Variants in NFIA observed in about 807,000 individuals in gnomAD.
NFIA encodes the protein nuclear factor I A.
A neutral mutation model predicts 62.8 loss-of-function variants in NFIA; 8 were observed. The ratio of observed to expected loss-of-function variants is 0.13; its 90% confidence interval spans 0.07 to 0.23. The LOEUF (loss-of-function observed/expected upper bound fraction) is 0.23, where lower values mean the gene tolerates loss of function less well. Ranked by LOEUF, NFIA falls within the 10% of genes least tolerant of loss-of-function variation. NFIA has a pLI of 1.00. For missense variants in NFIA, 410 were observed against 642.1 expected, an observed-to-expected ratio of 0.64 and a Z score of 3.91; for synonymous variants, 235 against 238.1, an observed-to-expected ratio of 0.99 and a Z score of 0.12.
chr1:61,118,211 G>GA (rs201622725), intron 2 of NFIA, among the ~76,000 whole-genome samples: 1 of 149,384 alleles, frequency 6.7e-6, no homozygotes, highest in African/African-American at 2.5e-5. Flanking sequence ...AAAAAGAAAA[G>GA]AAAAAAAAGA....
intron 2 of NFIA, among the ~76,000 whole-genome samples, chr1:61,108,091 C>T (rs1252427611): frequency 6.6e-6 from 1 of 151,630 alleles, no homozygotes; most frequent in African/African-American, 2.4e-5. Context: ...TTTCACACCT[C>T]TTTTTGAAAT....
intron 10 of NFIA, among the ~76,000 whole-genome samples, chr1:61,438,477 G>C (rs906829754): frequency 6.6e-6 from 1 of 152,138 alleles, no homozygotes; most frequent in Non-Finnish European, 1.5e-5. Flanking sequence ...ATCTGGTAAT[G>C]TTCTCCCTGA....
intron 2 of NFIA, among the ~76,000 whole-genome samples, chr1:61,146,222 G>A (rs1465297604): frequency 6.6e-6 from 1 of 152,068 alleles, no homozygotes; most frequent in East Asian, 1.9e-4. Flanking sequence ...GCATCATTGG[G>A]CCTGCCTGAA....
At chr1:61,266,948 G>A (rs1317175384) in intron 2 of NFIA, among the ~76,000 whole-genome samples, 1 of 152,186 alleles carries the variant, frequency 6.6e-6, no homozygotes, top group Non-Finnish European at 1.5e-5. Context: ...ACTCTCTAGA[G>A]TCAGGTATTT....
intron 2 of NFIA, 78 bp from the exon 3 acceptor site, chr1:61,277,442 T>G: frequency 7.3e-7 from 1 of 1,378,420 alleles, no homozygotes; most frequent in Middle Eastern, 1.8e-4. Flanking sequence ...GGTTGAACCT[T>G]TTGAGAAAGT....
At position 61,138,565 on chromosome 1, in the gene NFIA, GTTTATTTATTTATTTA is replaced by G. The variant is rs111808933; in HGVS notation, c.559+49900_559+49915del. On this transcript the variant is annotated intron_variant, in intron 2 of 10. Coordinates refer to ENST00000403491, the MANE Select transcript of NFIA (RefSeq NM_001134673.4). ...AATTAGTCATTTTATTTGTTTGTTT[GTTTATTTATTTATTTA>G]TTTATTTATTTATTATTGAGACAAG... is the stretch of plus-strand genomic sequence containing the variant. Among the ~76,000 whole-genome samples the G allele has an allele frequency of 1.6e-4, 23 of 142,480 alleles. 1 individual carries two copies. Among genetic ancestry groups the G allele is most frequent in the Admixed American group, 8.9e-4 (13 of 14,634 alleles). 93.5% of individuals were successfully genotyped at this position (142,480 alleles called of 152,430 possible).
chr1:61,403,392 G>A (rs931683003), intron 7 of NFIA, among the ~76,000 whole-genome samples: 13 of 152,246 alleles, frequency 8.5e-5, no homozygotes, highest in Admixed American at 4.6e-4. Context: ...CAAATGTAAG[G>A]GAGCAGTAGT....
chr1:61,099,295 A>G (rs1646469634), intron 2 of NFIA, among the ~76,000 whole-genome samples: 1 of 152,190 alleles, frequency 6.6e-6, no homozygotes, highest in Non-Finnish European at 1.5e-5. Flanking sequence ...GTGTTTTGAG[A>G]CATTAGAATT....
chr1:61,406,543 G>GGGGGGGCCCCC lies in NFIA; in HGVS notation c.1255-19_1255-18insGGGGGGCCCCC. The GGGGGGGCCCCC allele has an allele frequency of 1.1e-6, 1 of 876,652 alleles. No individual in the cohort carries two copies. The highest frequency in any genetic ancestry group is 1.5e-6 in the Non-Finnish European group (1 of 653,742). 54.3% of individuals were successfully genotyped at this position (876,652 alleles called of 1,614,324 possible). On this transcript the variant is annotated intron_variant, in intron 8 of 10. Coordinates refer to ENST00000403491, the MANE Select transcript of NFIA (RefSeq NM_001134673.4). ...TCTTTTTCTTGTACGTGTGTTTTCT[G>GGGGGGGCCCCC]CCCCCCCCCCCCCCACAGCCCAATG...
intron 2 of NFIA, among the ~76,000 whole-genome samples, chr1:61,218,251 A>C (rs1223735180): frequency 1.3e-5 from 2 of 152,206 alleles, no homozygotes; most frequent in African/African-American, 4.8e-5. Flanking sequence ...TACAATTGTA[A>C]GAGATGTTTG....
At chr1:61,136,193 T>C (rs1053639870) in intron 2 of NFIA, among the ~76,000 whole-genome samples, 1 of 152,240 alleles carries the variant, frequency 6.6e-6, no homozygotes, top group African/African-American at 2.4e-5. Flanking sequence ...TGTCACAGCC[T>C]GGCTTTCTTC....
At chr1:61,435,707 T>C (rs1300045940) in intron 10 of NFIA, among the ~76,000 whole-genome samples, 2 of 152,198 alleles carry the variant, frequency 1.3e-5, no homozygotes, top group East Asian at 3.8e-4. Flanking sequence ...CAGAAGATTA[T>C]CTTGATTGGC....
At chr1:61,145,320 C>T (rs1204142135) in intron 2 of NFIA, among the ~76,000 whole-genome samples, 1 of 152,154 alleles carries the variant, frequency 6.6e-6, no homozygotes, top group Non-Finnish European at 1.5e-5. Flanking sequence ...TATTGGACTT[C>T]ATGGCTAAAA....
At position 61,140,301 on chromosome 1, in the gene NFIA, C is replaced by T. The variant is rs1385853552; in HGVS notation, c.559+51621C>T. Among the ~76,000 whole-genome samples the T allele has an allele frequency of 2.3e-5, 3 of 133,210 alleles. No individual in the cohort carries two copies. In the Admixed American group the frequency reaches 2.9e-4, roughly 13 times the overall value. The allele number at this position is 133,210 out of a possible 152,430, so 87.4% of individuals were successfully genotyped here. Reference sequence around the variant, plus strand: ...TCCATGCTACTGCCTGCAGAAAAACCGAAATTGTTTACTGCCTCCAGGATG... The same window carrying T: ...TCCATGCTACTGCCTGCAGAAAAACTGAAATTGTTTACTGCCTCCAGGATG... On this transcript the variant is annotated intron_variant, in intron 2 of 10. Transcript: ENST00000403491.
chr1:61,161,155 TC>T (rs1232902151), intron 2 of NFIA, among the ~76,000 whole-genome samples: 1 of 152,244 alleles, frequency 6.6e-6, no homozygotes, highest in African/African-American at 2.4e-5. Flanking sequence ...CCTCAAGTGA[TC>T]CGTCCACCTT....
chr1:61,275,269 A>G (rs1192406914), intron 2 of NFIA, among the ~76,000 whole-genome samples: 1 of 152,070 alleles, frequency 6.6e-6, no homozygotes, highest in Non-Finnish European at 1.5e-5. Context: ...TTCTTTGGAC[A>G]TACCTAATAT....
intron 2 of NFIA, among the ~76,000 whole-genome samples, chr1:61,222,068 A>T (rs1557645648): frequency 6.6e-6 from 1 of 152,154 alleles, no homozygotes; most frequent in Non-Finnish European, 1.5e-5. Flanking sequence ...CTTTTAAAAT[A>T]AGTTATGTTA....
intron 2 of NFIA, among the ~76,000 whole-genome samples, chr1:61,176,907 A>T (rs1029128301): frequency 2.0e-5 from 3 of 152,074 alleles, no homozygotes; most frequent in Non-Finnish European, 4.4e-5. Context: ...GATCGAGACC[A>T]TCCTGGCTAA....
At chr1:61,114,417 A>T (rs1359635561) in intron 2 of NFIA, among the ~76,000 whole-genome samples, 1 of 152,066 alleles carries the variant, frequency 6.6e-6, no homozygotes, top group Non-Finnish European at 1.5e-5. Flanking sequence ...TTGAGCAGGG[A>T]GATTGAGGCT....
Sources: allele counts gnomAD v4.1 joint callset (sites outside exome capture counted in the v4.1 genomes callset), GRCh38; gene constraint gnomAD v4.1.1; transcripts MANE v1.5; gene names NCBI Gene and HGNC (gene_info 2026-07-23, HGNC 2026-07-21).